FNDC3B: variants seen among roughly 807,000 people sequenced by gnomAD.
FNDC3B encodes fibronectin type III domain-containing protein 3B.
FNDC3B carries 12 observed loss-of-function variants against 151.5 expected under a neutral mutation model. The ratio of observed to expected loss-of-function variants is 0.08; its 90% CI spans 0.05 to 0.13. FNDC3B has a LOEUF of 0.13. Ranked by LOEUF, FNDC3B falls within the 10% of genes least tolerant of loss-of-function variation. FNDC3B has a pLI of 1.00. For synonymous variants in FNDC3B, 528 were observed against 549.0 expected (o/e 0.96, Z 0.54); for missense variants, 1,214 against 1,505.3 (o/e 0.81, Z 3.20).
chr3:172,162,456 C>A (rs1217670407), intron 3 of FNDC3B, among the ~76,000 whole-genome samples: 1 of 152,020 alleles, frequency 6.6e-6, no homozygotes, highest in Non-Finnish European at 1.5e-5. Context: ...CATTTATGTG[C>A]AAGTTTTTGG....
intron 9 of FNDC3B, among the ~76,000 whole-genome samples, chr3:172,304,643 T>A (rs1041610514): frequency 6.6e-6 from 1 of 152,142 alleles, no homozygotes; most frequent in African/African-American, 2.4e-5. Context: ...ACGCCTGTAA[T>A]CCCAGCACTT....
chr3:172,115,160 A>G (rs1355657563), intron 2 of FNDC3B, among the ~76,000 whole-genome samples: 2 of 152,126 alleles, frequency 1.3e-5, no homozygotes, highest in South Asian at 2.1e-4. Context: ...CAGAGTCTCC[A>G]TCCTGTGTCT....
chr3:172,226,333 T>TC (rs1289683991), intron 3 of FNDC3B, among the ~76,000 whole-genome samples: 6 of 151,916 alleles, frequency 3.9e-5, no homozygotes, highest in Admixed American at 1.3e-4. Context: ...ATGTATTCTT[T>TC]CCCCCTGCCT....
chr3:172,202,387 C>A (rs1266422011), intron 3 of FNDC3B, among the ~76,000 whole-genome samples: 2 of 152,170 alleles, frequency 1.3e-5, no homozygotes, highest in African/African-American at 2.4e-5. Flanking sequence ...TTTTATAAAG[C>A]CTTCTGCCTT....
At chr3:172,144,633 A>C (rs1248040579) in intron 3 of FNDC3B, among the ~76,000 whole-genome samples, 1 of 152,192 alleles carries the variant, frequency 6.6e-6, no homozygotes, top group Non-Finnish European at 1.5e-5. Flanking sequence ...AATTGAGAGC[A>C]CTAAACATTT....
chr3:172,316,268 G>A (rs1318982322), intron 11 of FNDC3B, among the ~76,000 whole-genome samples: 3 of 152,016 alleles, frequency 2.0e-5, no homozygotes, highest in African/African-American at 7.2e-5. Context: ...CCAAAGTGCT[G>A]GGATTACAGG....
At chr3:172,198,334 T>A (rs1217249659) in intron 3 of FNDC3B, among the ~76,000 whole-genome samples, 1 of 152,162 alleles carries the variant, frequency 6.6e-6, no homozygotes, top group Non-Finnish European at 1.5e-5. Context: ...TGGATAGAGC[T>A]GGAGAATACT....
chr3:172,065,887 G>A (rs957510230), intron 1 of FNDC3B, among the ~76,000 whole-genome samples: 26 of 152,002 alleles, frequency 1.7e-4, no homozygotes, highest in African/African-American at 6.0e-4. Flanking sequence ...GGAAATTGTT[G>A]CTTTAGAGTT....
At position 172,397,677 on chromosome 3, in the gene FNDC3B, AAAAAAAAG is replaced by A. The variant is rs1255584847; in HGVS notation, c.*210_*217del. ...AAGGTTAAACTGGATTTTTTTTTTT[AAAAAAAAG>A]AAAAAAAAAGAAGAAAAGTATACCA... On this transcript the variant is annotated 3_prime_UTR_variant, in exon 26 of 26. Transcript: ENST00000415807. 27 of 233,714 alleles carry A rather than the reference AAAAAAAAG, an allele frequency of 1.2e-4. No individual in the cohort carries two copies. The highest frequency in any genetic ancestry group is 1.7e-4 in the African/African-American group (3 of 17,728). The allele number at this position is 233,714 out of a possible 1,614,324, so 14.5% of individuals were successfully genotyped here.
intron 13 of FNDC3B, among the ~76,000 whole-genome samples, chr3:172,332,867 C>T (rs1324291283): frequency 6.6e-6 from 1 of 152,142 alleles, no homozygotes; most frequent in African/African-American, 2.4e-5. Context: ...TTTGACCAGA[C>T]CCAGGAGAAA....
intron 2 of FNDC3B, among the ~76,000 whole-genome samples, chr3:172,120,569 G>A (rs576838357): frequency 6.7e-6 from 1 of 149,818 alleles, no homozygotes; most frequent in South Asian, 2.1e-4. Context: ...TACAGGCATG[G>A]GGGGGGGTGT....
rs1299012813 is a variant in FNDC3B, at chr3:172,222,178, C to T, written c.188-4693C>T. On this transcript the variant is annotated intron_variant, in intron 3 of 25. Transcript: ENST00000415807. ...TATTGTTGAAAAATAGCCGTTTAGA[C>T]ACACAAGTACCAGTTTATAGACAAG... 2.0e-5 allele frequency among the ~76,000 whole-genome samples: 3 copies of T among 152,256 alleles called. No individual in the cohort carries two copies. The Middle Eastern group carries it at 0.01, about 518-fold the overall frequency.
rs115370981 is a variant in FNDC3B, at chr3:172,045,320, A to G, written c.-29+5549A>G. ...TGACCTCTGCAAAGTTGTACTATAC[A>G]TAAGTTGTCCCATATCTGTGTTTTT... is the stretch of plus-strand genomic sequence containing the variant. On this transcript the variant is annotated intron_variant, in intron 1 of 25. Coordinates refer to ENST00000415807, the MANE Select transcript of FNDC3B (RefSeq NM_022763.4). Among the ~76,000 whole-genome samples, 807 of 152,326 alleles carry G rather than the reference A, an allele frequency of 5.3e-3. 2 individuals carry two copies. The highest frequency in any genetic ancestry group is 0.018 in the African/African-American group (760 of 41,568).
intron 11 of FNDC3B, chr3:172,317,158 C>T (rs1211616883): frequency 2.3e-6 from 1 of 443,280 alleles, no homozygotes; most frequent in Non-Finnish European, 4.5e-6. Flanking sequence ...CAACATGTTG[C>T]ATTGGGGATT....
chr3:172,111,346 CT>C (rs1299654843), intron 1 of FNDC3B, among the ~76,000 whole-genome samples: 1 of 152,080 alleles, frequency 6.6e-6, no homozygotes, highest in African/African-American at 2.4e-5. Flanking sequence ...AACTATCAGG[CT>C]TTGGGCTTGG....
At chr3:172,048,610 C>T (rs561795345) in intron 1 of FNDC3B, among the ~76,000 whole-genome samples, 16 of 152,148 alleles carry the variant, frequency 1.1e-4, no homozygotes, top group African/African-American at 3.6e-4. Context: ...TATTCCTATA[C>T]GCAAAAGAAA....
chr3:172,373,233 T>C (rs945909341), intron 23 of FNDC3B, among the ~76,000 whole-genome samples: 3 of 152,184 alleles, frequency 2.0e-5, no homozygotes, highest in Admixed American at 6.5e-5. Context: ...TTTCCAGTTG[T>C]TTTCTTCCTA....
Position 172,399,060 on chromosome 3 carries a change from T to C in FNDC3B, c.*1585T>C, listed in dbSNP as rs1033909740. ...TTGATCATAGCTATTTTGTGCTTGA[T>C]CTTTATTGTCTAAGATGCAGTATCC... On this transcript the variant is annotated 3_prime_UTR_variant, in exon 26 of 26. Coordinates refer to ENST00000415807, the MANE Select transcript of FNDC3B (RefSeq NM_022763.4). 1 of 152,644 alleles carries C rather than the reference T, an allele frequency of 6.6e-6. No homozygotes were observed. The highest frequency in any genetic ancestry group is 1.5e-5 in the Non-Finnish European group (1 of 68,038). 9.5% of individuals were successfully genotyped at this position (152,644 alleles called of 1,614,324 possible).
intron 11 of FNDC3B, among the ~76,000 whole-genome samples, chr3:172,324,865 G>A (rs1055930736): frequency 3.3e-5 from 5 of 152,212 alleles, no homozygotes; most frequent in Non-Finnish European, 7.3e-5. Flanking sequence ...TGAGAACAGG[G>A]ACTCCAGTGT....
Sources: gnomAD v4.1 joint callset for allele counts (sites outside exome capture counted in the v4.1 genomes callset) on GRCh38, gnomAD v4.1.1 for gene constraint, MANE v1.5 for transcripts, NCBI Gene and HGNC (gene_info 2026-07-23, HGNC 2026-07-21) for gene names.